Variants in MGAT5 observed in about 807,000 individuals in gnomAD.
The protein encoded by MGAT5 is alpha-1,6-mannosylglycoprotein 6-beta-N-acetylglucosaminyltransferase.
In MGAT5, 30 loss-of-function variants were observed where a neutral mutation model predicts 94.3. The observed-to-expected ratio is 0.32, with a 90% CI of 0.24 to 0.43. The LOEUF (loss-of-function observed/expected upper bound fraction) is 0.43. Ranked by LOEUF, MGAT5 falls within the 20% of genes least tolerant of loss-of-function variation. The probability of loss-of-function intolerance (pLI) is 1.00; values close to 1 mark genes in which losing one functional copy is unlikely to be tolerated. For synonymous variants in MGAT5, 310 were observed against 322.9 expected (o/e 0.96, Z 0.43); for missense variants, 691 against 905.5 (o/e 0.76, Z 3.04).
At chr2:134,180,678 C>G (rs550861723) in intron 1 of MGAT5, among the ~76,000 whole-genome samples, 60 of 152,186 alleles carry the variant, frequency 3.9e-4, no homozygotes, top group Non-Finnish European at 7.6e-4. Context: ...CACCACGGTT[C>G]TCATCTGCCG....
intron 2 of MGAT5, among the ~76,000 whole-genome samples, chr2:134,305,107 T>C (rs984593863): frequency 2.6e-5 from 4 of 152,182 alleles, no homozygotes; most frequent in African/African-American, 9.7e-5. Context: ...TCTGTCCTAC[T>C]TTCTCTAGGA....
chr2:134,236,421 C>T (rs776012904), intron 1 of MGAT5, among the ~76,000 whole-genome samples: 34 of 152,174 alleles, frequency 2.2e-4, no homozygotes, highest in Non-Finnish European at 4.0e-4. Flanking sequence ...CAAATCTCAT[C>T]TTAGTAGTTC....
chr2:134,258,808 C>T (rs1479807090), intron 1 of MGAT5, among the ~76,000 whole-genome samples: 1 of 152,248 alleles, frequency 6.6e-6, no homozygotes, highest in Non-Finnish European at 1.5e-5. Context: ...TTTGCCACAT[C>T]CTGTCTGCAT....
intron 1 of MGAT5, among the ~76,000 whole-genome samples, chr2:134,168,914 T>C (rs747499421): frequency 2.6e-5 from 4 of 151,844 alleles, no homozygotes; most frequent in Admixed American, 6.6e-5. Context: ...ATGCTTGAGG[T>C]TGACCCCTTG....
chr2:134,154,723 G>T (rs1345453267), intron 1 of MGAT5, among the ~76,000 whole-genome samples: 1 of 152,172 alleles, frequency 6.6e-6, no homozygotes, highest in Non-Finnish European at 1.5e-5. Context: ...CCATAGGTGG[G>T]AGTTTTCTAG....
rs1401245628 is a variant in MGAT5 at position 134,209,157 on chromosome 2, T to A, written c.-142-45105T>A. On this transcript the variant is annotated intron_variant, in intron 1 of 16. Transcript: ENST00000409645. ...AACTGGCTTATTTTTTTTTTATTTT[T>A]TTTTTTTTTTTTATTTTTTTTTTTA... 7.4e-4 allele frequency among the ~76,000 whole-genome samples: 15 copies of A among 20,210 alleles called. 2 individuals carry two copies. The highest frequency in any genetic ancestry group is 2.9e-3 in the South Asian group (1 of 348). The allele number at this position is 20,210 out of a possible 152,430, so 13.3% of individuals were successfully genotyped here.
At chr2:134,255,400 A>G (rs1682878287) in intron 1 of MGAT5, among the ~76,000 whole-genome samples, 1 of 151,608 alleles carries the variant, frequency 6.6e-6, no homozygotes, top group African/African-American at 2.4e-5. Flanking sequence ...ACTCCAGGCA[A>G]TAACCACAAT....
intron 1 of MGAT5, among the ~76,000 whole-genome samples, chr2:134,175,771 C>A (rs1416521150): frequency 6.6e-6 from 1 of 152,184 alleles, no homozygotes; most frequent in East Asian, 1.9e-4. Flanking sequence ...TGGGATTTCT[C>A]CATGTGTGTC....
rs1553490380 is a variant in MGAT5, at chr2:134,189,602, G to GTTTTGTTTTGTTTTTTT, written c.-142-64656_-142-64655insGTTTTGTTTTTTTTTTT. Among the ~76,000 whole-genome samples, 111 of 84,642 alleles carry GTTTTGTTTTGTTTTTTT rather than the reference G, an allele frequency of 1.3e-3. 3 individuals carry two copies. Among genetic ancestry groups the GTTTTGTTTTGTTTTTTT allele is most frequent in the East Asian group, 9.6e-3 (29 of 3,036 alleles). 55.5% of individuals were successfully genotyped at this position (84,642 alleles called of 152,430 possible). ...AACCTCATGGCTCTAGTTTTTTTTT[G>GTTTTGTTTTGTTTTTTT]TTTTTTTTTTTTTTTTTTAAGACAG... On this transcript the variant is annotated intron_variant, in intron 1 of 16. Coordinates refer to the MGAT5 transcript ENST00000409645.
intron 4 of MGAT5, among the ~76,000 whole-genome samples, chr2:134,324,766 A>C (rs2105926071): frequency 6.6e-6 from 1 of 152,202 alleles, no homozygotes; most frequent in East Asian, 1.9e-4. Context: ...GTCAGGGAGT[A>C]CTTTAAAAAT....
chr2:134,189,602 G>GTTTTGTTTTGTTTTGTTTTTTTTTT (rs1553490380), intron 1 of MGAT5, among the ~76,000 whole-genome samples: 2 of 84,672 alleles, frequency 2.4e-5, no homozygotes, highest in Admixed American at 1.3e-4. Flanking sequence ...GTTTTTTTTT[G>GTTTTGTTTTGTTTTGTTTTTTTTTT]TTTTTTTTTT....
intron 10 of MGAT5, among the ~76,000 whole-genome samples, chr2:134,364,342 AC>A (rs1378136704): frequency 2.6e-5 from 4 of 152,184 alleles, no homozygotes; most frequent in African/African-American, 9.6e-5. Context: ...TGTACTAAAT[AC>A]AAAACAATTA....
At chr2:134,428,234 A>C (rs774830147) in intron 13 of MGAT5, 131 bp from the exon 14 acceptor site, 1 of 704,946 alleles carries the variant, frequency 1.4e-6, no homozygotes, top group Non-Finnish European at 2.4e-6. Flanking sequence ...CACGACTTGC[A>C]AGTCCATAGT....
intron 8 of MGAT5, among the ~76,000 whole-genome samples, chr2:134,346,270 G>A (rs1688921784): frequency 6.6e-6 from 1 of 152,132 alleles, no homozygotes; most frequent in Non-Finnish European, 1.5e-5. Flanking sequence ...GTACTGTTTA[G>A]GTGAATTAAA....
rs182845156 is a variant in MGAT5 at position 134,355,573 on chromosome 2, A to G, written c.1246+5635A>G. 4.5e-3 allele frequency among the ~76,000 whole-genome samples: 678 copies of G among 152,306 alleles called. 4 individuals carry two copies. Among genetic ancestry groups the G allele is most frequent in the Admixed American group, 6.5e-3 (100 of 15,296 alleles). On this transcript the variant is annotated intron_variant, in intron 9 of 15. Coordinates refer to ENST00000281923, the MANE Select transcript of MGAT5 (RefSeq NM_002410.5). ...TTTAAATTTCTGAAGGCAATCTTTTATTTTTGACAGTCTCAAACAAGGTGC... is the reference window on the plus strand; with the variant it reads ...TTTAAATTTCTGAAGGCAATCTTTTGTTTTTGACAGTCTCAAACAAGGTGC...
chr2:134,314,917 C>T (rs983423699), intron 2 of MGAT5, among the ~76,000 whole-genome samples: 36 of 152,174 alleles, frequency 2.4e-4, no homozygotes, highest in African/African-American at 8.7e-4. Flanking sequence ...ACAGCCCATC[C>T]ATTCGTTCAG....
chr2:134,246,070 A>G (rs1234096794), intron 1 of MGAT5, among the ~76,000 whole-genome samples: 1 of 151,572 alleles, frequency 6.6e-6, no homozygotes, highest in Non-Finnish European at 1.5e-5. Flanking sequence ...TGTTGTTTTT[A>G]GCAGGTGTAT....
At chr2:134,266,895 T>C (rs1231603408) in intron 1 of MGAT5, among the ~76,000 whole-genome samples, 1 of 152,222 alleles carries the variant, frequency 6.6e-6, no homozygotes, top group East Asian at 1.9e-4. Flanking sequence ...CTTAGAGAAT[T>C]CAAGGTTTTT....
intron 13 of MGAT5, among the ~76,000 whole-genome samples, chr2:134,426,510 A>G (rs534787844): frequency 6.6e-6 from 1 of 152,334 alleles, no homozygotes; most frequent in Non-Finnish European, 1.5e-5. Flanking sequence ...TCCTAACATA[A>G]CTAAATCTGT....
Sources: gnomAD v4.1 joint callset for allele counts (sites outside exome capture counted in the v4.1 genomes callset) on GRCh38, gnomAD v4.1.1 for gene constraint, MANE v1.5 for transcripts, NCBI Gene and HGNC (gene_info 2026-07-23, HGNC 2026-07-21) for gene names.